SLC8A1: variants seen among roughly 807,000 people sequenced by gnomAD.
SLC8A1 encodes the protein solute carrier family 8 member A1, also known as sodium/calcium exchanger 1.
SLC8A1 carries 18 observed loss-of-function variants against 68.3 expected under a neutral mutation model. The observed-to-expected ratio is 0.26, with a 90% CI of 0.18 to 0.39. SLC8A1 has a LOEUF of 0.39. Among genes scored for constraint, SLC8A1 ranks in the 10% least tolerant of loss-of-function variants. The pLI is 1.00. For missense variants in SLC8A1, 985 were observed against 1,156.7 expected, an observed-to-expected ratio of 0.85 and a Z score of 2.15; for synonymous variants, 475 against 415.5, an observed-to-expected ratio of 1.14 and a Z score of -1.74.
intron 2 of SLC8A1, among the ~76,000 whole-genome samples, chr2:40,422,263 C>T (rs537049248): frequency 6.6e-6 from 1 of 152,122 alleles, no homozygotes; most frequent in South Asian, 2.1e-4. Context: ...CGATGTTCTA[C>T]CCCAAACAGT....
At chr2:40,320,376 G>A (rs572629367) in intron 2 of SLC8A1, among the ~76,000 whole-genome samples, 1 of 152,160 alleles carries the variant, frequency 6.6e-6, no homozygotes, top group African/African-American at 2.4e-5. Flanking sequence ...TATGTCCACT[G>A]CCCTTAGTTG....
At chr2:40,413,752 C>G (rs998441969) in intron 2 of SLC8A1, among the ~76,000 whole-genome samples, 1 of 152,052 alleles carries the variant, frequency 6.6e-6, no homozygotes, top group African/African-American at 2.4e-5. Context: ...TAAGACATGC[C>G]AAGAAGTTTC....
intron 2 of SLC8A1, among the ~76,000 whole-genome samples, chr2:40,280,228 A>G (rs1246997808): frequency 6.7e-6 from 1 of 149,460 alleles, no homozygotes; most frequent in Non-Finnish European, 1.5e-5. Context: ...GAATCTAATG[A>G]TAAAACCTGA....
At chr2:40,415,978 C>T (rs577399059) in intron 2 of SLC8A1, among the ~76,000 whole-genome samples, 4 of 146,798 alleles carry the variant, frequency 2.7e-5, no homozygotes, top group Non-Finnish European at 5.9e-5. Context: ...AGGAGAATTG[C>T]TTGAACCCGG....
At chr2:40,235,209 G>C (rs1016547869) in intron 2 of SLC8A1, among the ~76,000 whole-genome samples, 1 of 152,054 alleles carries the variant, frequency 6.6e-6, no homozygotes. Context: ...GTAGAATTTG[G>C]CTGTGAATCC....
intron 2 of SLC8A1, among the ~76,000 whole-genome samples, chr2:40,321,357 A>G (rs2075166328): frequency 6.6e-6 from 1 of 152,136 alleles, no homozygotes. Flanking sequence ...AACTGGGATT[A>G]TATTTTTCAG....
At chr2:40,110,631 G>A (rs1270442947) in exon 8 of SLC8A1, 2 of 152,126 alleles carry the variant, frequency 1.3e-5, no homozygotes, top group African/African-American at 4.8e-5. Context: ...TGTAGGTCAG[G>A]TGAGATCCAA....
chr2:40,407,377 T>C (rs1343415018), intron 2 of SLC8A1, among the ~76,000 whole-genome samples: 2 of 152,212 alleles, frequency 1.3e-5, no homozygotes, highest in South Asian at 4.1e-4. Flanking sequence ...ACCAGATTCC[T>C]CATGGACTGG....
chr2:40,160,349 A>G (rs1861427), intron 6 of SLC8A1, among the ~76,000 whole-genome samples: 37,637 of 152,156 alleles, frequency 0.25, 5,161 homozygotes, highest in East Asian at 0.58. Flanking sequence ...GTGTAAAATG[A>G]TGCAGATGGT....
exon 8 of SLC8A1, chr2:40,102,829 G>T (rs1385709659): frequency 6.6e-6 from 1 of 152,168 alleles, no homozygotes; most frequent in South Asian, 2.1e-4. Context: ...CAAATTCAAC[G>T]TGAGGGATTT....
chr2:40,415,341 G>C (rs1022856489), intron 2 of SLC8A1, among the ~76,000 whole-genome samples: 4 of 151,646 alleles, frequency 2.6e-5, no homozygotes, highest in African/African-American at 9.7e-5. Context: ...GCAACACTTT[G>C]CTCACAATCC....
intron 2 of SLC8A1, among the ~76,000 whole-genome samples, chr2:40,244,766 T>C (rs969531359): frequency 8.6e-5 from 13 of 151,944 alleles, no homozygotes; most frequent in African/African-American, 2.9e-4. Context: ...GGGAGATCAG[T>C]AGAGGATTAG....
intron 2 of SLC8A1, among the ~76,000 whole-genome samples, chr2:40,270,051 A>C (rs768826991): frequency 6.6e-6 from 1 of 152,164 alleles, no homozygotes; most frequent in Admixed American, 6.5e-5. Context: ...AAATTCTTAC[A>C]ATAAATGGTC....
chr2:40,308,851 G>A (rs1204619036), intron 2 of SLC8A1, among the ~76,000 whole-genome samples: 3 of 152,086 alleles, frequency 2.0e-5, no homozygotes, highest in African/African-American at 7.2e-5. Context: ...TTCTCTGGAG[G>A]CTTTTAAAAA....
At chr2:40,150,109 C>T (rs568943248) in intron 6 of SLC8A1, among the ~76,000 whole-genome samples, 1 of 149,798 alleles carries the variant, frequency 6.7e-6, no homozygotes, top group Non-Finnish European at 1.5e-5. Flanking sequence ...CTTTCCAGCT[C>T]GGGGCCAGGA....
At chr2:40,350,946 G>A (rs1312357127) in intron 2 of SLC8A1, among the ~76,000 whole-genome samples, 2 of 152,228 alleles carry the variant, frequency 1.3e-5, no homozygotes, top group Non-Finnish European at 2.9e-5. Context: ...AAGGGCATGA[G>A]GCTAGTATAT....
chr2:40,240,563 T>G (rs1361334418), intron 2 of SLC8A1, among the ~76,000 whole-genome samples: 1 of 152,220 alleles, frequency 6.6e-6, no homozygotes, highest in Non-Finnish European at 1.5e-5. Flanking sequence ...TCTCTATTGT[T>G]CACATGTTTG....
At position 40,322,577 on chromosome 2, in the gene SLC8A1, G is replaced by A. The variant is rs60491829; in HGVS notation, c.1808+105896C>T. On this transcript the variant is annotated intron_variant, in intron 2 of 7. Transcript: ENST00000406785. ...TTTAGTACCAGCAAGTCAGGAGTCCGAGGCAGGAGGGTCACTTGAGCTCAG... is the reference window on the plus strand; with the variant it reads ...TTTAGTACCAGCAAGTCAGGAGTCCAAGGCAGGAGGGTCACTTGAGCTCAG... 7.0e-3 allele frequency among the ~76,000 whole-genome samples: 1,053 copies of A among 151,480 alleles called. 13 individuals are homozygous for A. The highest frequency in any genetic ancestry group is 0.024 in the African/African-American group (996 of 41,276).
exon 8 of SLC8A1, chr2:40,109,291 A>T (rs2034414747): frequency 6.6e-6 from 1 of 152,110 alleles, no homozygotes; most frequent in Non-Finnish European, 1.5e-5. Flanking sequence ...ACGTTTTTCT[A>T]TGTTTACATA....
Sources: allele counts gnomAD v4.1 joint callset (sites outside exome capture counted in the v4.1 genomes callset), GRCh38; gene constraint gnomAD v4.1.1; transcripts MANE v1.5; gene names NCBI Gene and HGNC (gene_info 2026-07-23, HGNC 2026-07-21).